Variants in KCNQ1 observed in about 807,000 individuals in gnomAD.
The protein encoded by KCNQ1 is potassium voltage-gated channel subfamily Q member 1.
A neutral mutation model predicts 72.4 loss-of-function variants in KCNQ1; 49 were observed. That is an observed-to-expected ratio of 0.68 (90% confidence interval 0.54 to 0.86). The LOEUF (loss-of-function observed/expected upper bound fraction) is 0.86, where lower values mean the gene tolerates loss of function less well. KCNQ1 is among the 40% of genes least tolerant of loss of function. KCNQ1 has a pLI of 0.00. For missense variants in KCNQ1, 790 were observed against 945.1 expected (o/e 0.84, Z 2.15); for synonymous variants, 450 against 412.6 (o/e 1.09, Z -1.10).
At position 2,668,431 on chromosome 11, in the gene KCNQ1, C is replaced by A. The variant is rs1027937975; in HGVS notation, c.1514+6350C>A. The A allele has an allele frequency of 3.3e-5, 13 of 398,520 alleles. No individual in the cohort carries two copies. The highest frequency in any genetic ancestry group is 2.7e-4 in the African/African-American group (13 of 48,640). The allele number at this position is 398,520 out of a possible 1,614,324, so 24.7% of individuals were successfully genotyped here. ...AATTTTCATTCCCACAGGCAGCATT[C>A]TGGCTGCTCCACATCCTAACACTTG... On this transcript the variant is annotated intron_variant, in intron 11 of 15. Coordinates refer to ENST00000155840, the MANE Select transcript of KCNQ1 (RefSeq NM_000218.3). This position sits in a 1 kb window ranked among gnomAD's most constrained non-coding sequence, Gnocchi z 4.3.
chr11:2,649,029 C>T (rs1380678973), intron 10 of KCNQ1: 4 of 327,674 alleles, frequency 1.2e-5, no homozygotes, highest in Middle Eastern at 7.7e-4. Flanking sequence ...TGTCTGTCTA[C>T]TCCTGCATGC....
chr11:2,688,444 T>C (rs181257946), intron 11 of KCNQ1: 2 of 398,742 alleles, frequency 5.0e-6, no homozygotes, highest in African/African-American at 4.1e-5. Flanking sequence ...GCCTGTGCCA[T>C]CACTATTTCA....
At chr11:2,513,032 C>T (rs2011766) in intron 1 of KCNQ1, among the ~76,000 whole-genome samples, 38,069 of 151,968 alleles carry the variant, frequency 0.25, 5,377 homozygotes, top group East Asian at 0.46. Flanking sequence ...GCTGCTCAAG[C>T]CCCGGCCTGC....
At position 2,571,373 on chromosome 11, in the gene KCNQ1, A is replaced by C. The variant is rs1848331549; in HGVS notation, c.653A>C (p.Lys218Thr). ...ATGGTGGTCCTCTGCGTGGGCTCCA[A>C]GGGGCAGGTGTTTGCCACGTCGGCC... ...ASMVVLCVGS[K>T]GQVFATSAIR... The change falls in exon 4 of 16, where the codon AAG (lysine) becomes ACG (threonine). Residue 218 changes from lysine to threonine, a missense_variant. Physicochemically the swap from Lys to Thr is moderately conservative, Grantham distance 78 (BLOSUM62 -1). This residue lies in a region of KCNQ1 where 294 missense variants were observed against 323.3 expected (regional missense o/e 0.91). Transcript: ENST00000155840. 6.2e-7 allele frequency: 1 copy of C among 1,612,884 alleles called. No individual in the cohort carries two copies. The highest frequency in any genetic ancestry group is 1.1e-5 in the South Asian group (1 of 91,080).
chr11:2,534,721 C>A (rs1005425621), intron 2 of KCNQ1, among the ~76,000 whole-genome samples: 1 of 152,208 alleles, frequency 6.6e-6, no homozygotes, highest in Non-Finnish European at 1.5e-5. Context: ...TGGGAGCTAC[C>A]CAGCTAAGAC....
At chr11:2,496,550 A>G (rs1450017746) in intron 1 of KCNQ1, among the ~76,000 whole-genome samples, 1 of 71,810 alleles carries the variant, frequency 1.4e-5, no homozygotes, top group African/African-American at 5.4e-5. Context: ...ATATTCCTCC[A>G]TCCCTTTATT....
rs1345287711 is a variant in KCNQ1, at chr11:2,670,282, G to A, written c.1514+8201G>A. The A allele has an allele frequency of 1.0e-5, 4 of 398,470 alleles. No individual in the cohort carries two copies. Among genetic ancestry groups the A allele is most frequent in the Admixed American group, 8.8e-5 (2 of 22,712 alleles). The allele number at this position is 398,470 out of a possible 1,614,324, so 24.7% of individuals were successfully genotyped here. ...GAGGACCATGGTAGCTTGTCTCTAG[G>A]CAACCCATAGGTGCCCAATGGAGAG... On this transcript the variant is annotated intron_variant, in intron 11 of 15. Transcript: ENST00000155840. The surrounding 1 kb of genome is among the most constrained non-coding windows in gnomAD (Gnocchi z 4.9).
At chr11:2,834,191 T>TGGCTGG (rs891149389) in intron 15 of KCNQ1, among the ~76,000 whole-genome samples, 2 of 152,060 alleles carry the variant, frequency 1.3e-5, no homozygotes, top group Non-Finnish European at 2.9e-5. Flanking sequence ...GCACATGGCA[T>TGGCTGG]GGCTGGGGCT....
At chr11:2,694,986 G>A in intron 11 of KCNQ1, 1 of 398,714 alleles carries the variant, frequency 2.5e-6, no homozygotes. Context: ...AAGAAGGCTG[G>A]CAGAGCCAAA....
Position 2,669,773 on chromosome 11 carries a change from G to T in KCNQ1, c.1514+7692G>T, listed in dbSNP as rs1850148116. ...CATAGAATGTCTCTTTGTGATGGGA[G>T]ATCCTGTGGGGACATTCCTTATTTG... On this transcript the variant is annotated intron_variant, in intron 11 of 15. Coordinates refer to ENST00000155840, the MANE Select transcript of KCNQ1 (RefSeq NM_000218.3). This position sits in a 1 kb window ranked among gnomAD's most constrained non-coding sequence, Gnocchi z 5.6. The T allele has an allele frequency of 5.0e-6, 2 of 398,566 alleles. No homozygotes were observed. The highest frequency in any genetic ancestry group is 2.5e-4 in the South Asian group (2 of 7,860). The allele number at this position is 398,566 out of a possible 1,614,324, so 24.7% of individuals were successfully genotyped here.
Position 2,674,520 on chromosome 11 carries a change from CA to C in KCNQ1, c.1514+12442del. On this transcript the variant is annotated intron_variant, in intron 11 of 15. Transcript: ENST00000155840. The surrounding 1 kb of genome is among the most constrained non-coding windows in gnomAD (Gnocchi z 5.9). ...GTTACTAGGCACTAGATGGCACTTG[CA>C]AAGCCCATTCGGAGGATTTAGACAA... 2.5e-6 allele frequency: 1 copy of C among 398,638 alleles called. No homozygotes were observed. The highest frequency in any genetic ancestry group is 4.4e-6 in the Non-Finnish European group (1 of 226,068). 24.7% of individuals were successfully genotyped at this position (398,638 alleles called of 1,614,324 possible). A position where few individuals can be genotyped will look rare whatever the true frequency, so the allele number is the denominator to read the frequency against.
chr11:2,521,436 G>A, intron 1 of KCNQ1: 1 of 457,204 alleles, frequency 2.2e-6, no homozygotes, highest in Non-Finnish European at 4.6e-6. Flanking sequence ...CTTTCAGACT[G>A]ACAAAACTCT....
At position 2,598,912 on chromosome 11, in the gene KCNQ1, C is replaced by G. The variant is rs1848765626; in HGVS notation, c.1393+10058C>G. On this transcript the variant is annotated intron_variant, in intron 10 of 15. Transcript: ENST00000155840. This position sits in a 1 kb window ranked among gnomAD's most constrained non-coding sequence, Gnocchi z 6.2. ...GAACATGTAAGTGCTCACCCAGGAC[C>G]CATATGCAGCAAACAGTCTTGTGTC... 6.6e-6 allele frequency among the ~76,000 whole-genome samples: 1 copy of G among 152,220 alleles called. No homozygotes were observed.
At chr11:2,582,232 C>T (rs572266624) in intron 6 of KCNQ1, among the ~76,000 whole-genome samples, 50 of 152,342 alleles carry the variant, frequency 3.3e-4, no homozygotes, top group East Asian at 2.1e-3. Context: ...TCTCTGTCCG[C>T]GTGTGCGCCT....
At chr11:2,777,596 T>G in intron 14 of KCNQ1, 1 of 463,706 alleles carries the variant, frequency 2.2e-6, no homozygotes, top group Non-Finnish European at 3.6e-6. Flanking sequence ...CGGCTCATAG[T>G]GTGGGCTGGT....
At chr11:2,580,249 CGGCTGCCTCGG>C (rs1027367272) in intron 6 of KCNQ1, among the ~76,000 whole-genome samples, 4 of 151,854 alleles carry the variant, frequency 2.6e-5, no homozygotes, top group Non-Finnish European at 5.9e-5. Flanking sequence ...GGTTTGTCCT[CGGCTGCCTCGG>C]GAGGCAGCCG....
Position 2,651,423 on chromosome 11 carries a change from G to A in KCNQ1, c.1394-10538G>A. 5.0e-6 allele frequency: 2 copies of A among 398,688 alleles called. No individual in the cohort carries two copies. The highest frequency in any genetic ancestry group is 8.8e-6 in the Non-Finnish European group (2 of 226,096). 24.7% of individuals were successfully genotyped at this position (398,688 alleles called of 1,614,324 possible). On this transcript the variant is annotated intron_variant, in intron 10 of 15. Coordinates refer to ENST00000155840, the MANE Select transcript of KCNQ1 (RefSeq NM_000218.3). This position sits in a 1 kb window ranked among gnomAD's most constrained non-coding sequence, Gnocchi z 6.1. ...TTCCATTCCTTTTGGCCTGCCCTGT[G>A]TGCAGCTCAGCAAGTGCCTGAAGTC...
At chr11:2,638,557 T>C (rs1194170095) in intron 10 of KCNQ1, 1 of 152,248 alleles carries the variant, frequency 6.6e-6, no homozygotes, top group Non-Finnish European at 1.5e-5. Context: ...GTTAGTCTGA[T>C]GGGTTTCCCT....
intron 11 of KCNQ1, among the ~76,000 whole-genome samples, chr11:2,726,122 C>T (rs1198434746): frequency 1.3e-5 from 2 of 152,212 alleles, no homozygotes; most frequent in Admixed American, 6.5e-5. Flanking sequence ...CTCTTGGGAG[C>T]CCACTAAGGA....
Sources: gnomAD v4.1 joint callset for allele counts (sites outside exome capture counted in the v4.1 genomes callset) on GRCh38, gnomAD v4.1.1 for gene constraint, gnomAD v4.1.1 regional missense constraint, Gnocchi (gnomAD v3.1) non-coding constraint, MANE v1.5 for transcripts, NCBI Gene and HGNC (gene_info 2026-07-23, HGNC 2026-07-21) for gene names.